The following ANO5 variants were observed in gnomAD, a reference collection of about 807,000 sequenced individuals.
ANO5 encodes the protein anoctamin-5.
ANO5 carries 109 observed loss-of-function variants against 121.0 expected under a neutral mutation model. That is an observed-to-expected ratio of 0.90 (90% CI 0.77 to 1.06). ANO5 has a LOEUF of 1.06. ANO5 is among the 50% of genes least tolerant of loss of function. The pLI, the probability that ANO5 is intolerant of heterozygous loss-of-function variation, is 0.00. For missense variants in ANO5, 1,064 were observed against 1,078.5 expected (o/e 0.99, Z 0.19); for synonymous variants, 406 against 359.9 (o/e 1.13, Z -1.45).
At chr11:22,270,564 A>G in intron 18 of ANO5, 122 bp downstream of exon 18, 1 of 1,420,116 alleles carries the variant, frequency 7.0e-7, no homozygotes, top group South Asian at 1.2e-5. Context: ...TGGTTGGCAA[A>G]AAAGATGAGT....
chr11:22,222,111 C>T (rs1683600371), intron 5 of ANO5, among the ~76,000 whole-genome samples: 1 of 151,858 alleles, frequency 6.6e-6, no homozygotes, highest in African/African-American at 2.4e-5. Context: ...CAACATTTCC[C>T]TAGAGATGGG....
chr11:22,232,757 T>C (rs940350027), intron 7 of ANO5, among the ~76,000 whole-genome samples: 1 of 152,002 alleles, frequency 6.6e-6, no homozygotes, highest in African/African-American at 2.4e-5. Flanking sequence ...CAACTTTTCA[T>C]ACTGTTTTAC....
At chr11:22,193,980 T>C (rs896991295) in intron 1 of ANO5, among the ~76,000 whole-genome samples, 2 of 152,190 alleles carry the variant, frequency 1.3e-5, no homozygotes, top group African/African-American at 2.4e-5. Flanking sequence ...TTGAGTCTTA[T>C]TACCTCACTC....
chr11:22,204,874 C>G (rs1852063573), intron 2 of ANO5, among the ~76,000 whole-genome samples: 1 of 152,034 alleles, frequency 6.6e-6, no homozygotes, highest in African/African-American at 2.4e-5. Flanking sequence ...ACAAATCATT[C>G]TTTTTTAAAG....
In ANO5 at chr11:22,279,621, G is replaced by A. The variant is rs1854999022; in HGVS notation, c.2598G>A (p.Lys866=). The A allele has an allele frequency of 1.9e-6, 3 of 1,612,902 alleles. No homozygotes were observed. Among genetic ancestry groups the A allele is most frequent in the Non-Finnish European group, 2.5e-6 (3 of 1,179,218 alleles). ...DVPKDVVERI[K]REKLMTIKIL... is the part of the protein sequence containing the mutation. ...CAAAAGATGTTGTGGAGAGAATCAA[G>A]AGAGAAAAGTTAATGACTATCAAGA... The change falls in exon 22 of 22, where the codon AAG becomes AAA. Residue 866 remains lysine, a synonymous_variant. Coordinates refer to ENST00000324559, the MANE Select transcript of ANO5 (RefSeq NM_213599.3).
At position 22,263,007 on chromosome 11, in the gene ANO5, A is replaced by G; in HGVS notation, c.1862A>G (p.Lys621Arg). ...TTQLTIIMTGKQIFGNIKEAI... is the reference protein window; with the variant it reads ...TTQLTIIMTGRQIFGNIKEAI... ...CAATTGACCATTATAATGACCGGGA[A>G]ACAGATTTTTGGAAACATTAAAGAA... Residue 621 changes from lysine (K) to arginine (R), a missense_variant, in exon 17 of 22, where the codon AAA becomes AGA. Physicochemically the swap from Lys to Arg is conservative, Grantham distance 26. Transcript: ENST00000324559. 6.2e-7 allele frequency: 1 copy of G among 1,613,664 alleles called. No homozygotes were observed. The highest frequency in any genetic ancestry group is 8.5e-7 in the Non-Finnish European group (1 of 1,179,746).
At chr11:22,277,412 G>T (rs1265964439) in intron 21 of ANO5, among the ~76,000 whole-genome samples, 2 of 151,460 alleles carry the variant, frequency 1.3e-5, no homozygotes, top group Non-Finnish European at 3.0e-5. Flanking sequence ...GATACAGAGT[G>T]CCACCTGAGA....
chr11:22,257,834 T>C (rs1854055172), intron 14 of ANO5, 80 bp downstream of exon 14: 24 of 1,196,668 alleles, frequency 2.0e-5, no homozygotes, highest in Non-Finnish European at 2.7e-5. Flanking sequence ...ACCTACAATG[T>C]CTCTTGAGTC....
chr11:22,276,003 G>C, intron 20 of ANO5, 91 bp from the exon 21 acceptor site: 2 of 872,680 alleles, frequency 2.3e-6, no homozygotes, highest in Non-Finnish European at 3.7e-6. Flanking sequence ...AGAAAGGTCT[G>C]TTAAGAGAAA....
chr11:22,215,398 C>G (rs1353233888), intron 3 of ANO5, among the ~76,000 whole-genome samples: 1 of 151,938 alleles, frequency 6.6e-6, no homozygotes, highest in African/African-American at 2.4e-5. Flanking sequence ...AATTCAGTCT[C>G]CTAGTGATTT....
At chr11:22,228,450 A>T (rs1852919979) in intron 7 of ANO5, among the ~76,000 whole-genome samples, 1 of 151,952 alleles carries the variant, frequency 6.6e-6, no homozygotes, top group Non-Finnish European at 1.5e-5. Flanking sequence ...ACAAATTGGG[A>T]TAATTAGCAT....
intron 3 of ANO5, among the ~76,000 whole-genome samples, chr11:22,211,951 T>A (rs1852290799): frequency 6.6e-6 from 1 of 151,152 alleles, no homozygotes; most frequent in South Asian, 2.1e-4. Context: ...TTGATCAAAT[T>A]AAAACAATTG....
intron 9 of ANO5, among the ~76,000 whole-genome samples, chr11:22,243,370 A>G (rs760144784): frequency 5.9e-5 from 9 of 151,834 alleles, no homozygotes; most frequent in Non-Finnish European, 8.8e-5. Flanking sequence ...TTGGCCTGAC[A>G]TTGTCTTTTT....
At chr11:22,221,408 G>A (rs1226163613) in intron 5 of ANO5, among the ~76,000 whole-genome samples, 198 bp downstream of exon 5, 1 of 151,926 alleles carries the variant, frequency 6.6e-6, no homozygotes, top group African/African-American at 2.4e-5. Context: ...TGGATATTTT[G>A]CATACTAACT....
Position 22,282,267 on chromosome 11 carries a change from A to C in ANO5, c.*2502A>C, listed in dbSNP as rs1855110230. The C allele has an allele frequency of 1.3e-5, 2 of 152,086 alleles. No individual in the cohort carries two copies. The highest frequency in any genetic ancestry group is 6.6e-5 in the Admixed American group (1 of 15,258). The allele number at this position is 152,086 out of a possible 1,614,324, so 9.4% of individuals were successfully genotyped here. A position where few individuals can be genotyped will look rare whatever the true frequency, so the allele number is the denominator to read the frequency against. On this transcript the variant is annotated 3_prime_UTR_variant, in exon 22 of 22. Transcript: ENST00000324559. Reference sequence around the variant, plus strand: ...AGTGCCAAAGCCAAAAAAATACTTAACTCTTTTCAAAGGCCCTCTTTCATC... The same window carrying C: ...AGTGCCAAAGCCAAAAAAATACTTACCTCTTTTCAAAGGCCCTCTTTCATC...
intron 18 of ANO5, among the ~76,000 whole-genome samples, chr11:22,271,678 T>C (rs1189859277): frequency 1.3e-5 from 2 of 152,216 alleles, no homozygotes; most frequent in Non-Finnish European, 2.9e-5. Flanking sequence ...TAATTTATTC[T>C]GAAAACTATA....
rs1282652369 is a variant in ANO5, at chr11:22,257,575, T to G, written c.1333-105T>G. The G allele has an allele frequency of 3.3e-6, 3 of 916,476 alleles. No individual in the cohort carries two copies. In the African/African-American group the frequency reaches 4.9e-5, roughly 15 times the overall value. 56.8% of individuals were successfully genotyped at this position (916,476 alleles called of 1,614,324 possible). ...TTCCATGACCTATAGTAGGCCCTTT[T>G]GGGAGACTCCTACTTTAACTGGGCT... On this transcript the variant is annotated intron_variant, in intron 13 of 21. Transcript: ENST00000324559.
Position 22,279,826 on chromosome 11 carries a change from G to C in ANO5, c.*61G>C, listed in dbSNP as rs951072503. On this transcript the variant is annotated 3_prime_UTR_variant, in exon 22 of 22. Coordinates refer to ENST00000324559, the MANE Select transcript of ANO5 (RefSeq NM_213599.3). ...ACTTCACTTTATCCTCTGGTTTTAG[G>C]GCCAGACGCCAGAAGCCATGTGTCA... is the stretch of plus-strand genomic sequence containing the variant. The C allele has an allele frequency of 2.1e-6, 3 of 1,413,896 alleles. No individual in the cohort carries two copies. The African/African-American group carries it at 4.3e-5, about 20-fold the overall frequency. The allele number at this position is 1,413,896 out of a possible 1,614,324, so 87.6% of individuals were successfully genotyped here. A position where few individuals can be genotyped will look rare whatever the true frequency, so the allele number is the denominator to read the frequency against.
intron 17 of ANO5, among the ~76,000 whole-genome samples, chr11:22,264,110 A>T (rs1012769959): frequency 7.4e-6 from 1 of 135,592 alleles, no homozygotes; most frequent in African/African-American, 2.9e-5. Flanking sequence ...TGCAACCTCC[A>T]CCTCCTGGGT....
Sources: gnomAD v4.1 joint callset for allele counts (sites outside exome capture counted in the v4.1 genomes callset) on GRCh38, gnomAD v4.1.1 for gene constraint, MANE v1.5 for transcripts, NCBI Gene and HGNC (gene_info 2026-07-23, HGNC 2026-07-21) for gene names.